The following CSTPP1 variants were observed in gnomAD, a reference collection of about 807,000 sequenced individuals.
CSTPP1 encodes the protein centriolar satellite-associated tubulin polyglutamylase complex regulator 1, also known as UPF0705 protein C11orf49.
chr11:47,103,152 C>T, the CSTPP1 span, among the ~76,000 whole-genome samples: 2 of 152,198 alleles, frequency 1.3e-5, no homozygotes, highest in South Asian at 2.1e-4. Flanking sequence ...AATCCCAGCA[C>T]TTTGGGAGGC....
chr11:47,077,656 GAGAA>G, the CSTPP1 span, among the ~76,000 whole-genome samples: 4 of 152,180 alleles, frequency 2.6e-5, no homozygotes, highest in African/African-American at 7.2e-5. Flanking sequence ...CAACACAGGA[GAGAA>G]AGAAAGAGAA....
the CSTPP1 span, among the ~76,000 whole-genome samples, chr11:46,986,089 A>C: frequency 6.6e-6 from 1 of 152,212 alleles, no homozygotes; most frequent in Non-Finnish European, 1.5e-5. Context: ...TCAGATCAAG[A>C]AATTGATTGA....
the CSTPP1 span, chr11:47,159,597 C>T: frequency 4.4e-6 from 2 of 456,146 alleles, no homozygotes; most frequent in South Asian, 1.5e-5. Context: ...TTCTTTCATA[C>T]TCCTCGTTAT....
chr11:46,942,391 G>C, the CSTPP1 span, among the ~76,000 whole-genome samples: 20 of 152,162 alleles, frequency 1.3e-4, no homozygotes, highest in Non-Finnish European at 2.5e-4. Context: ...TCTGGTCCCA[G>C]GTTTGCCAAA....
At chr11:47,016,883 C>T in the CSTPP1 span, among the ~76,000 whole-genome samples, 4 of 135,852 alleles carry the variant, frequency 2.9e-5, no homozygotes, top group African/African-American at 1.1e-4. Flanking sequence ...CGCTCTGTCG[C>T]CCAGGCTGGA....
chr11:47,005,615 A>ACATATTTTGAAC, the CSTPP1 span, among the ~76,000 whole-genome samples: 2 of 152,172 alleles, frequency 1.3e-5, no homozygotes, highest in Non-Finnish European at 2.9e-5. Flanking sequence ...CAGAAAGGAG[A>ACATATTTTGAAC]CATATTTTGC....
chr11:47,123,325 G>C, the CSTPP1 span: 1 of 152,136 alleles, frequency 6.6e-6, no homozygotes, highest in Admixed American at 6.5e-5. Flanking sequence ...ATCATTACCA[G>C]GTCTTCTGAT....
the CSTPP1 span, among the ~76,000 whole-genome samples, chr11:46,970,591 T>G: frequency 2.6e-5 from 4 of 152,010 alleles, no homozygotes; most frequent in African/African-American, 9.7e-5. Flanking sequence ...GAGATAATTT[T>G]ACATATAAAA....
the CSTPP1 span, chr11:47,109,118 T>C: frequency 6.6e-6 from 1 of 152,224 alleles, no homozygotes; most frequent in East Asian, 1.9e-4. Context: ...CTGCAGACTT[T>C]GGCTTCTTTC....
chr11:47,090,873 A>G, the CSTPP1 span, among the ~76,000 whole-genome samples: 1 of 150,806 alleles, frequency 6.6e-6, no homozygotes, highest in Admixed American at 6.6e-5. Context: ...CCCCATCTCT[A>G]CTAAAAATAC....
chr11:46,952,732 C>T, the CSTPP1 span, among the ~76,000 whole-genome samples: 14 of 152,312 alleles, frequency 9.2e-5, no homozygotes, highest in Admixed American at 5.2e-4. Context: ...CTCTGTGTCA[C>T]TTCCTGTCCT....
At chr11:47,128,384 C>A in the CSTPP1 span, among the ~76,000 whole-genome samples, 2 of 152,074 alleles carry the variant, frequency 1.3e-5, no homozygotes, top group Admixed American at 1.3e-4. Flanking sequence ...ACAAGATTTT[C>A]ATTTGTTATC....
chr11:47,086,019 A>T, the CSTPP1 span, among the ~76,000 whole-genome samples: 1 of 151,890 alleles, frequency 6.6e-6, no homozygotes, highest in Non-Finnish European at 1.5e-5. Context: ...AGAGTCAAGG[A>T]ACTAATATTC....
At chr11:47,159,513 AG>A in the CSTPP1 span, 1 of 414,516 alleles carries the variant, frequency 2.4e-6, no homozygotes, top group Non-Finnish European at 4.8e-6. Context: ...GTCTCAAAAA[AG>A]AAAAAAAAAA....
chr11:47,151,241 G>A, the CSTPP1 span, among the ~76,000 whole-genome samples: 16 of 152,140 alleles, frequency 1.1e-4, no homozygotes, highest in South Asian at 2.1e-4. Context: ...GTGAAACCCC[G>A]TCTCTACTAA....
At chr11:47,097,155 G>A in the CSTPP1 span, among the ~76,000 whole-genome samples, 1 of 129,616 alleles carries the variant, frequency 7.7e-6, no homozygotes, top group Admixed American at 8.1e-5. Context: ...AGGTGGGGGT[G>A]TCAGCCCTCC....
chr11:47,100,941 TAAC>T, the CSTPP1 span, among the ~76,000 whole-genome samples: 1 of 152,048 alleles, frequency 6.6e-6, no homozygotes, highest in South Asian at 2.1e-4. Flanking sequence ...CAGCATGAGA[TAAC>T]AAGTTATTTC....
chr11:47,109,808 A>G, the CSTPP1 span, among the ~76,000 whole-genome samples: 2 of 152,302 alleles, frequency 1.3e-5, no homozygotes, highest in East Asian at 3.9e-4. Flanking sequence ...TTCATTTAAT[A>G]TTATTCCCTT....
the CSTPP1 span, among the ~76,000 whole-genome samples, chr11:47,022,519 G>A: frequency 3.2e-4 from 48 of 151,648 alleles, no homozygotes; most frequent in African/African-American, 1.0e-3. Context: ...ACAGGCGTGC[G>A]CCACCACACC....
Sources: allele counts gnomAD v4.1 joint callset (sites outside exome capture counted in the v4.1 genomes callset), GRCh38; gene constraint gnomAD v4.1.1; transcripts MANE v1.5; gene names NCBI Gene and HGNC (gene_info 2026-07-23, HGNC 2026-07-21).